MAU2: variants seen among roughly 807,000 people sequenced by gnomAD.
MAU2 encodes MAU2 sister chromatid cohesion factor, also known as MAU2 chromatid cohesion factor homolog.
A neutral mutation model predicts 89.1 loss-of-function variants in MAU2; 9 were observed. The ratio of observed to expected loss-of-function variants is 0.10; its 90% confidence interval spans 0.06 to 0.18. The LOEUF (loss-of-function observed/expected upper bound fraction) is 0.18, where lower values mean the gene tolerates loss of function less well. Among genes scored for constraint, MAU2 ranks in the 10% least tolerant of loss-of-function variants. The pLI, the probability that MAU2 is intolerant of heterozygous loss-of-function variation, is 1.00. For synonymous variants in MAU2, 357 were observed against 343.4 expected (o/e 1.04, Z -0.44); for missense variants, 425 against 803.5 (o/e 0.53, Z 5.69).
chr19:19,345,195 T>C lies in MAU2; in HGVS notation c.1156-109T>C, dbSNP rs896500976. 19 of 984,424 alleles carry C rather than the reference T, an allele frequency of 1.9e-5. No homozygotes were observed. In the African/African-American group the frequency reaches 2.4e-4, roughly 12 times the overall value. 61.0% of individuals were successfully genotyped at this position (984,424 alleles called of 1,614,324 possible). Reference sequence around the variant, plus strand: ...CCTTGCAGCTGGCTCGGTAGAGCCATTGTCATACTCCTCCAGGGCAGCCGT... The same window carrying C: ...CCTTGCAGCTGGCTCGGTAGAGCCACTGTCATACTCCTCCAGGGCAGCCGT... On this transcript the variant is annotated intron_variant, in intron 11 of 18. Transcript: ENST00000262815. The surrounding 1 kb of genome is among the most constrained non-coding windows in gnomAD (Gnocchi z 4.9).
chr19:19,337,055 TA>T, intron 3 of MAU2, 114 bp from the exon 4 acceptor site: 1 of 731,968 alleles, frequency 1.4e-6, no homozygotes, highest in Non-Finnish European at 2.3e-6. Context: ...AATCCTTTGG[TA>T]AGCATGAACA....
Position 19,337,280 on chromosome 19 carries a change from C to G in MAU2, c.456+15C>G. On this transcript the variant is annotated intron_variant, in intron 4 of 18. Transcript: ENST00000262815. ...TCCAGCTCGCTGTGAGTACCGCGGC[C>G]CGGGAACGAGGGTGCCCGGCAGGGA... The G allele has an allele frequency of 6.2e-7, 1 of 1,608,104 alleles. No homozygotes were observed. Among genetic ancestry groups the G allele is most frequent in the Non-Finnish European group, 8.5e-7 (1 of 1,175,684 alleles).
Position 19,334,713 on chromosome 19 carries a change from G to C in MAU2, c.277-1005G>C, listed in dbSNP as rs993910084. ...TGCCGCATGAGTGGCAGAGACCATCGGGCTTCAGCCTCACCTCCCTGGCCC... is the reference window on the plus strand; with the variant it reads ...TGCCGCATGAGTGGCAGAGACCATCCGGCTTCAGCCTCACCTCCCTGGCCC... On this transcript the variant is annotated intron_variant, in intron 1 of 18. Coordinates refer to ENST00000262815, the MANE Select transcript of MAU2 (RefSeq NM_015329.4). 3 of 609,980 alleles carry C rather than the reference G, an allele frequency of 4.9e-6. No individual in the cohort carries two copies. In the African/African-American group the frequency reaches 6.0e-5, roughly 12 times the overall value. 37.8% of individuals were successfully genotyped at this position (609,980 alleles called of 1,614,324 possible).
chr19:19,340,779 G>T (rs145523095), intron 5 of MAU2, 67 bp from the exon 6 acceptor site: 2 of 1,571,456 alleles, frequency 1.3e-6, no homozygotes, highest in African/African-American at 2.7e-5. Flanking sequence ...GAGCCTTGGG[G>T]TAATCACAGT....
chr19:19,350,876 G>T (rs1301052930), intron 16 of MAU2, among the ~76,000 whole-genome samples: 1 of 150,510 alleles, frequency 6.6e-6, no homozygotes, highest in Non-Finnish European at 1.5e-5. Context: ...CTCCAGCCTG[G>T]GCAACACAGC....
At chr19:19,338,787 A>C (rs1057027006) in intron 4 of MAU2, 58 bp from the exon 5 acceptor site, 5 of 1,284,536 alleles carry the variant, frequency 3.9e-6, no homozygotes, top group Non-Finnish European at 5.5e-6. Context: ...GCACGAAGGC[A>C]GGTACCGTAA....
At chr19:19,353,290 A>T (rs971772428) in intron 16 of MAU2, 2 of 152,240 alleles carry the variant, frequency 1.3e-5, no homozygotes, top group African/African-American at 4.8e-5. Flanking sequence ...GGCTGCTTTC[A>T]GACAGAGGTC....
At chr19:19,322,977 G>C (rs990942456) in intron 1 of MAU2, among the ~76,000 whole-genome samples, 2 of 152,066 alleles carry the variant, frequency 1.3e-5, no homozygotes, top group Non-Finnish European at 2.9e-5. Context: ...TGCAACCTCC[G>C]TCTCCCGGGT....
intron 16 of MAU2, among the ~76,000 whole-genome samples, chr19:19,351,678 CAAAA>C (rs959590954): frequency 1.4e-4 from 20 of 138,382 alleles, no homozygotes; most frequent in African/African-American, 5.0e-4. Flanking sequence ...AGATCCGTCT[CAAAA>C]AAAAAAAGTT....
intron 8 of MAU2, 44 bp downstream of exon 8, chr19:19,342,725 A>T (rs1248753458): frequency 6.8e-6 from 11 of 1,612,036 alleles, no homozygotes; most frequent in African/African-American, 1.3e-5. Flanking sequence ...GGGCGGGGGC[A>T]GGGAGAGGGA....
At chr19:19,337,309 T>C in intron 4 of MAU2, 44 bp downstream of exon 4, 1 of 1,499,456 alleles carries the variant, frequency 6.7e-7, no homozygotes, top group East Asian at 2.3e-5. Context: ...GCAGGGACCA[T>C]GACCCTGGGG....
At chr19:19,321,217 G>A in intron 1 of MAU2, 82 bp downstream of exon 1, 1 of 1,391,342 alleles carries the variant, frequency 7.2e-7, no homozygotes, top group South Asian at 1.6e-5. Context: ...GCGGCGGGTG[G>A]GGGGCCGCTC....
intron 1 of MAU2, among the ~76,000 whole-genome samples, chr19:19,323,494 A>G (rs1184301261): frequency 2.0e-5 from 3 of 150,996 alleles, no homozygotes; most frequent in African/African-American, 7.4e-5. Flanking sequence ...ACATCTGGCC[A>G]GTTTTATTTA....
intron 17 of MAU2, chr19:19,355,056 GC>G (rs1331460457): frequency 6.9e-6 from 4 of 581,076 alleles, no homozygotes; most frequent in African/African-American, 1.9e-5. Context: ...GGCTTTCACT[GC>G]CCAGCCAGCC....
At position 19,345,388 on chromosome 19, in the gene MAU2, T is replaced by C. The variant is rs1344319105; in HGVS notation, c.1221+19T>C. On this transcript the variant is annotated intron_variant, in intron 12 of 18. Transcript: ENST00000262815. This position sits in a 1 kb window ranked among gnomAD's most constrained non-coding sequence, Gnocchi z 4.9. The stretch of plus-strand genomic sequence containing the variant: ...CCTGCGGGTAAGGTGCCGGCCCTCC[T>C]TGCTGCTCGGGGCGGGCCACACTTC... The C allele has an allele frequency of 6.2e-7, 1 of 1,612,882 alleles. No individual in the cohort carries two copies. Among genetic ancestry groups the C allele is most frequent in the Non-Finnish European group, 8.5e-7 (1 of 1,179,654 alleles).
intron 1 of MAU2, among the ~76,000 whole-genome samples, chr19:19,326,065 A>G (rs1331637924): frequency 6.8e-6 from 1 of 147,206 alleles, no homozygotes; most frequent in Non-Finnish European, 1.5e-5. Flanking sequence ...CAATGGCGCA[A>G]TCTCAAATCA....
chr19:19,349,316 C>T lies in MAU2; in HGVS notation c.1437-9C>T, dbSNP rs1022075546. On this transcript the variant is annotated splice_polypyrimidine_tract_variant and intron_variant, in intron 15 of 18. Coordinates refer to ENST00000262815, the MANE Select transcript of MAU2 (RefSeq NM_015329.4). ...CTGCAGTTATCAGCGTCCATGTTCTCCTTGTCAGGCGATTTCTGCGGGAAA... is the reference window on the plus strand; with the variant it reads ...CTGCAGTTATCAGCGTCCATGTTCTTCTTGTCAGGCGATTTCTGCGGGAAA... The T allele has an allele frequency of 6.2e-7, 1 of 1,614,086 alleles. No homozygotes were observed. Among genetic ancestry groups the T allele is most frequent in the South Asian group, 1.1e-5 (1 of 91,078 alleles).
intron 12 of MAU2, among the ~76,000 whole-genome samples, chr19:19,346,288 C>T (rs1163645655): frequency 6.6e-6 from 1 of 152,156 alleles, no homozygotes; most frequent in Non-Finnish European, 1.5e-5. Context: ...CCAGGACCCT[C>T]CTCGTGGCCC....
intron 1 of MAU2, among the ~76,000 whole-genome samples, chr19:19,335,486 A>C (rs2061588783): frequency 6.6e-6 from 1 of 152,124 alleles, no homozygotes; most frequent in Non-Finnish European, 1.5e-5. Flanking sequence ...TGATGTCAGA[A>C]GGGCATGTCC....
Sources: gnomAD v4.1 joint callset for allele counts (sites outside exome capture counted in the v4.1 genomes callset) on GRCh38, gnomAD v4.1.1 for gene constraint, Gnocchi (gnomAD v3.1) non-coding constraint, MANE v1.5 for transcripts, NCBI Gene and HGNC (gene_info 2026-07-23, HGNC 2026-07-21) for gene names.